STAU2: variants seen among roughly 807,000 people sequenced by gnomAD.
STAU2 encodes double-stranded RNA-binding protein Staufen homolog 2.
Under a neutral mutation model 65.9 loss-of-function variants are expected in STAU2, and 20 were observed. The observed-to-expected ratio is 0.30, with a 90% CI of 0.21 to 0.44. The LOEUF is 0.44. Ranked by LOEUF, STAU2 falls within the 20% of genes least tolerant of loss-of-function variation. STAU2 has a pLI of 1.00. For missense variants in STAU2, 558 were observed against 683.9 expected, an observed-to-expected ratio of 0.82 and a Z score of 2.05; for synonymous variants, 232 against 233.9, an observed-to-expected ratio of 0.99 and a Z score of 0.07.
chr8:73,598,434 A>C (rs1811374196), intron 10 of STAU2, among the ~76,000 whole-genome samples: 1 of 152,004 alleles, frequency 6.6e-6, no homozygotes, highest in Non-Finnish European at 1.5e-5. Context: ...TCACCGTGTT[A>C]GCCAGGATGG....
chr8:73,494,284 G>A (rs1821288279), intron 13 of STAU2, among the ~76,000 whole-genome samples: 1 of 151,574 alleles, frequency 6.6e-6, no homozygotes, highest in Non-Finnish European at 1.5e-5. Flanking sequence ...AATGAGATGG[G>A]TTAATAGAGA....
intron 3 of STAU2, among the ~76,000 whole-genome samples, chr8:73,731,094 A>T (rs937188089): frequency 6.6e-6 from 1 of 152,128 alleles, no homozygotes; most frequent in Admixed American, 6.6e-5. Flanking sequence ...TTGAAGCCTT[A>T]TTGTGAACTC....
At chr8:73,427,263 G>C (rs561202635) in intron 13 of STAU2, among the ~76,000 whole-genome samples, 1 of 152,022 alleles carries the variant, frequency 6.6e-6, no homozygotes, top group Non-Finnish European at 1.5e-5. Context: ...ATCCACCCTT[G>C]GAGAGGTTGT....
chr8:73,671,153 A>AC, intron 6 of STAU2, among the ~76,000 whole-genome samples: 1 of 152,166 alleles, frequency 6.6e-6, no homozygotes, highest in Non-Finnish European at 1.5e-5. Context: ...CTTGATGGCC[A>AC]CGTGAGGTGG....
At chr8:73,633,405 G>T (rs1814246962) in intron 6 of STAU2, among the ~76,000 whole-genome samples, 2 of 152,252 alleles carry the variant, frequency 1.3e-5, no homozygotes, top group East Asian at 3.9e-4. Flanking sequence ...GGAGAGACAG[G>T]ACCAGCAAGG....
At chr8:73,421,815 G>A (rs1816399250) in intron 14 of STAU2, among the ~76,000 whole-genome samples, 1 of 152,082 alleles carries the variant, frequency 6.6e-6, no homozygotes, top group Admixed American at 6.6e-5. Flanking sequence ...AGTGTATCTG[G>A]TTTTTACTTC....
At chr8:73,430,782 A>C (rs566585121) in intron 13 of STAU2, among the ~76,000 whole-genome samples, 1 of 152,234 alleles carries the variant, frequency 6.6e-6, no homozygotes, top group South Asian at 2.1e-4. Context: ...TAACAGAATA[A>C]ATTGTTAACT....
chr8:73,534,101 T>G (rs187368253), intron 13 of STAU2, among the ~76,000 whole-genome samples: 157 of 152,288 alleles, frequency 1.0e-3, no homozygotes, highest in Non-Finnish European at 1.6e-3. Flanking sequence ...TAAGAAAACA[T>G]GTATTTGATT....
chr8:73,724,410 C>A (rs1001364057), intron 3 of STAU2, among the ~76,000 whole-genome samples: 2 of 152,056 alleles, frequency 1.3e-5, no homozygotes, highest in African/African-American at 4.8e-5. Flanking sequence ...TACGATGGTT[C>A]ACCTTATGAT....
chr8:73,538,621 T>C (rs1252743286), intron 13 of STAU2, among the ~76,000 whole-genome samples: 2 of 149,544 alleles, frequency 1.3e-5, no homozygotes, highest in Non-Finnish European at 3.0e-5. Flanking sequence ...ACTTGTAATA[T>C]TGAAAGCTTC....
chr8:73,573,009 T>C (rs1340677406), intron 12 of STAU2, among the ~76,000 whole-genome samples: 1 of 152,216 alleles, frequency 6.6e-6, no homozygotes, highest in Non-Finnish European at 1.5e-5. Flanking sequence ...AACCTCATTG[T>C]CTCAGCCCAA....
intron 6 of STAU2, among the ~76,000 whole-genome samples, chr8:73,625,820 C>G (rs554447514): frequency 6.6e-6 from 1 of 152,214 alleles, no homozygotes; most frequent in African/African-American, 2.4e-5. Flanking sequence ...TACTCTCATT[C>G]ACATTCTTGG....
intron 4 of STAU2, among the ~76,000 whole-genome samples, chr8:73,697,779 G>A (rs536325109): frequency 2.9e-4 from 44 of 152,244 alleles, no homozygotes; most frequent in African/African-American, 8.9e-4. Flanking sequence ...AAAATAATGC[G>A]TTATAAGTAT....
intron 5 of STAU2, among the ~76,000 whole-genome samples, chr8:73,687,403 ATATT>A (rs1818993410): frequency 8.2e-6 from 1 of 121,730 alleles, no homozygotes; most frequent in Non-Finnish European, 1.7e-5. Context: ...TAATATATTT[ATATT>A]TAAATTAATT....
intron 13 of STAU2, among the ~76,000 whole-genome samples, chr8:73,477,067 C>A (rs1443598720): frequency 6.6e-6 from 1 of 152,128 alleles, no homozygotes; most frequent in African/African-American, 2.4e-5. Flanking sequence ...TCCTGTGACA[C>A]TGAAGAACTG....
At chr8:73,725,920 T>A (rs987261252) in intron 3 of STAU2, among the ~76,000 whole-genome samples, 1 of 151,942 alleles carries the variant, frequency 6.6e-6, no homozygotes, top group Non-Finnish European at 1.5e-5. Context: ...GAAACCTGTC[T>A]CAAGACCTGT....
intron 4 of STAU2, among the ~76,000 whole-genome samples, chr8:73,704,421 T>A (rs1025037037): frequency 6.6e-6 from 1 of 152,186 alleles, no homozygotes; most frequent in African/African-American, 2.4e-5. Context: ...AAAAAAAAGA[T>A]GGATACAGAC....
At chr8:73,734,533 C>T (rs777290517) in intron 3 of STAU2, among the ~76,000 whole-genome samples, 44 of 152,136 alleles carry the variant, frequency 2.9e-4, no homozygotes, top group Non-Finnish European at 6.3e-4. Flanking sequence ...CGGTGGCTCA[C>T]GCCTGTAATC....
In STAU2 at chr8:73,558,756, ATGGGCATAG is replaced by A. The variant is rs1436175872; in HGVS notation, c.1223-6446_1223-6438del. ...CCCAGTTTCTCTGGAAGTCCTTGGA[ATGGGCATAG>A]CTATTTCACAACAAATAATTTCTTT... On this transcript the variant is annotated intron_variant, in intron 12 of 14. Transcript: ENST00000524300. Among the ~76,000 whole-genome samples the A allele has an allele frequency of 5.3e-5, 8 of 152,264 alleles. No individual in the cohort carries two copies. In the East Asian group the frequency reaches 1.5e-3, roughly 29 times the overall value.
Sources: allele counts gnomAD v4.1 joint callset (sites outside exome capture counted in the v4.1 genomes callset), GRCh38; gene constraint gnomAD v4.1.1; transcripts MANE v1.5; gene names NCBI Gene and HGNC (gene_info 2026-07-23, HGNC 2026-07-21).